The following GLIS3 variants were observed in gnomAD, a reference collection of about 807,000 sequenced individuals.
The protein encoded by GLIS3 is GLIS family zinc finger 3, also known as zinc finger protein GLIS3.
GLIS3 carries 53 observed loss-of-function variants against 78.6 expected under a neutral mutation model. The ratio of observed to expected loss-of-function variants is 0.67; its 90% CI spans 0.54 to 0.85. The LOEUF (loss-of-function observed/expected upper bound fraction) is 0.85. GLIS3 is among the 40% of genes least tolerant of loss of function. The pLI, the probability that GLIS3 is intolerant of heterozygous loss-of-function variation, is 0.00. For synonymous variants in GLIS3, 684 were observed against 509.9 expected, an observed-to-expected ratio of 1.34 and a Z score of -4.60; for missense variants, 1,703 against 1,231.1, an observed-to-expected ratio of 1.38 and a Z score of -5.74.
At chr9:4,350,719 T>G (rs1817958365), upstream of GLIS3, among the ~76,000 whole-genome samples, 1 of 152,106 alleles carries the variant, frequency 6.6e-6, no homozygotes. Context: ...CAAGGAAGAG[T>G]TGGGATTGAT....
chr9:4,135,080 T>C (rs1280609319), intron 2 of GLIS3, among the ~76,000 whole-genome samples: 1 of 152,202 alleles, frequency 6.6e-6, no homozygotes, highest in South Asian at 2.1e-4. Flanking sequence ...GGTCCCCTCA[T>C]AGACCCCAAA....
At chr9:4,113,557 G>T (rs757860197) in intron 4 of GLIS3, among the ~76,000 whole-genome samples, 7 of 152,150 alleles carry the variant, frequency 4.6e-5, no homozygotes, top group Non-Finnish European at 1.5e-5. Flanking sequence ...TAAGAATTAT[G>T]CTTACATGAT....
At chr9:3,915,744 T>C (rs368443769) in intron 6 of GLIS3, among the ~76,000 whole-genome samples, 1 of 152,184 alleles carries the variant, frequency 6.6e-6, no homozygotes, top group East Asian at 1.9e-4. Flanking sequence ...CATTCTGACA[T>C]GGCAGGAAGC....
At chr9:4,049,668 G>A (rs1471496174) in intron 4 of GLIS3, among the ~76,000 whole-genome samples, 3 of 152,106 alleles carry the variant, frequency 2.0e-5, no homozygotes, top group Non-Finnish European at 2.9e-5. Context: ...GCAACCTACA[G>A]AATGGGAGAA....
chr9:4,054,333 C>A, intron 4 of GLIS3: 1 of 985,324 alleles, frequency 1.0e-6, no homozygotes, highest in African/African-American at 1.7e-5. Flanking sequence ...CTCCACAAGA[C>A]CTCCACCTTT....
chr9:4,398,218 A>G, the GLIS3 span, among the ~76,000 whole-genome samples: 17 of 151,550 alleles, frequency 1.1e-4, no homozygotes, highest in Non-Finnish European at 7.4e-5. Flanking sequence ...GCTGAGGCAT[A>G]TTTTTTTTAA....
At chr9:4,330,918 G>A (rs1288693495) in intron 2 of GLIS3, among the ~76,000 whole-genome samples, 2 of 152,196 alleles carry the variant, frequency 1.3e-5, no homozygotes, top group Non-Finnish European at 2.9e-5. Context: ...GTTTGTCACT[G>A]TGCTGAAGGA....
intron 2 of GLIS3, among the ~76,000 whole-genome samples, chr9:4,164,883 C>T (rs914497580): frequency 6.6e-6 from 1 of 152,180 alleles, no homozygotes; most frequent in Non-Finnish European, 1.5e-5. Flanking sequence ...AAAAATAGCA[C>T]TGTTTAAACC....
At chr9:4,465,571 A>G in the GLIS3 span, among the ~76,000 whole-genome samples, 2,093 of 152,294 alleles carry the variant, frequency 0.014, 50 homozygotes, top group African/African-American at 0.049. Context: ...AAAAGAAAAG[A>G]TAATAAATAA....
intron 9 of GLIS3, among the ~76,000 whole-genome samples, chr9:3,829,962 A>G (rs949845491): frequency 5.9e-5 from 9 of 152,336 alleles, no homozygotes; most frequent in African/African-American, 1.9e-4. Context: ...TGTCTTTCCA[A>G]TAGAGAAATA....
intron 4 of GLIS3, among the ~76,000 whole-genome samples, chr9:3,953,803 A>ATGTG (rs1563886754): frequency 1.5e-4 from 8 of 52,474 alleles, no homozygotes; most frequent in African/African-American, 4.8e-4. Context: ...CTCTATATAT[A>ATGTG]TATATATATA....
chr9:4,444,669 C>T, the GLIS3 span, among the ~76,000 whole-genome samples: 3 of 152,232 alleles, frequency 2.0e-5, no homozygotes, highest in African/African-American at 7.2e-5. Flanking sequence ...CTTTCACTCC[C>T]TTTAGATGAA....
chr9:4,401,571 C>CTTTTCTTTTTTTTTTT, the GLIS3 span, among the ~76,000 whole-genome samples: 6 of 120,668 alleles, frequency 5.0e-5, no homozygotes, highest in African/African-American at 1.8e-4. Context: ...TCCTTTCTTT[C>CTTTTCTTTTTTTTTTT]TTTTTTTTTT....
intron 2 of GLIS3, among the ~76,000 whole-genome samples, chr9:4,277,754 A>T (rs1353951546): frequency 6.6e-6 from 1 of 152,224 alleles, no homozygotes; most frequent in Non-Finnish European, 1.5e-5. Context: ...AAATTGTCTT[A>T]AATATTTAAA....
intron 2 of GLIS3, among the ~76,000 whole-genome samples, chr9:4,264,337 T>C (rs571759138): frequency 1.3e-5 from 2 of 152,314 alleles, no homozygotes; most frequent in East Asian, 1.9e-4. Context: ...CCAGCGACCA[T>C]CTCTCTCCCC....
the GLIS3 span, among the ~76,000 whole-genome samples, chr9:4,464,615 G>C: frequency 5.1e-4 from 77 of 152,072 alleles, no homozygotes; most frequent in African/African-American, 1.8e-3. Flanking sequence ...GGCTGGTTTT[G>C]AACTCCTGAC....
chr9:4,415,013 C>T, the GLIS3 span, among the ~76,000 whole-genome samples: 1 of 151,966 alleles, frequency 6.6e-6, no homozygotes, highest in Non-Finnish European at 1.5e-5. Context: ...TCTTTTTTTT[C>T]CTATTCCAAT....
intron 2 of GLIS3, among the ~76,000 whole-genome samples, chr9:4,187,806 T>C (rs556548000): frequency 1.6e-3 from 251 of 152,290 alleles, no homozygotes; most frequent in Non-Finnish European, 2.5e-3. Context: ...TTGTCTGTTA[T>C]TGGTGTATAA....
intron 2 of GLIS3, among the ~76,000 whole-genome samples, chr9:4,277,429 T>G (rs1827129852): frequency 1.3e-5 from 2 of 152,222 alleles, no homozygotes; most frequent in African/African-American, 4.8e-5. Context: ...TTAAAGTACA[T>G]TAAGTTTTTG....
Sources: gnomAD v4.1 joint callset for allele counts (sites outside exome capture counted in the v4.1 genomes callset) on GRCh38, gnomAD v4.1.1 for gene constraint, MANE v1.5 for transcripts, NCBI Gene and HGNC (gene_info 2026-07-23, HGNC 2026-07-21) for gene names.